Variants in C3orf20 observed in about 807,000 individuals in gnomAD.
C3orf20 encodes the protein uncharacterized protein C3orf20.
A neutral mutation model predicts 88.3 loss-of-function variants in C3orf20; 76 were observed. That is an observed-to-expected ratio of 0.86 (90% CI 0.72 to 1.04). The LOEUF is 1.04. Ranked by LOEUF, C3orf20 falls within the 50% of genes least tolerant of loss-of-function variation. The probability of loss-of-function intolerance (pLI) is 0.00; values close to 1 mark genes in which losing one functional copy is unlikely to be tolerated. For synonymous variants in C3orf20, 436 were observed against 437.4 expected (o/e 1.00, Z 0.04); for missense variants, 1,056 against 1,123.3 (o/e 0.94, Z 0.86).
intron 7 of C3orf20, among the ~76,000 whole-genome samples, chr3:14,711,627 CTTTTTTT>C (rs35966332): frequency 2.8e-5 from 2 of 72,588 alleles, no homozygotes; most frequent in Admixed American, 1.7e-4. Flanking sequence ...ATCCTGCCAG[CTTTTTTT>C]TTTTTTTTTT....
intron 5 of C3orf20, among the ~76,000 whole-genome samples, chr3:14,690,775 A>G (rs2124907113): frequency 6.6e-6 from 1 of 152,314 alleles, no homozygotes; most frequent in East Asian, 1.9e-4. Context: ...GCTAGCCATG[A>G]CAGCTGGGTT....
At chr3:14,771,664 C>T (rs535852730) in intron 15 of C3orf20, among the ~76,000 whole-genome samples, 16 of 152,322 alleles carry the variant, frequency 1.1e-4, no homozygotes, top group South Asian at 4.1e-4. Flanking sequence ...AATAAGGCCA[C>T]GTTCCGGGGT....
chr3:14,762,355 G>C (rs904920023), intron 15 of C3orf20, among the ~76,000 whole-genome samples: 1 of 152,230 alleles, frequency 6.6e-6, no homozygotes, highest in Admixed American at 6.5e-5. Context: ...TGATCTTCTT[G>C]AGCCGAGAGA....
At chr3:14,687,864 C>T (rs1200429734) in intron 4 of C3orf20, among the ~76,000 whole-genome samples, 2 of 152,086 alleles carry the variant, frequency 1.3e-5, no homozygotes, top group Non-Finnish European at 2.9e-5. Flanking sequence ...GGGCAGGGGG[C>T]CTTTTGGGTG....
Position 14,704,514 on chromosome 3 carries a change from ATCT to A in C3orf20, c.1060_1062del (p.Ser354del). ...AGACTCTCAGCCCCACCTCTCACCC[ATCT>A]TCTGCCAACCATCATTTCAGTCAGC... On this transcript the variant is annotated inframe_deletion, in exon 7 of 17. Coordinates refer to ENST00000253697, the MANE Select transcript of C3orf20 (RefSeq NM_032137.5). The A allele has an allele frequency of 3.1e-6, 5 of 1,614,012 alleles. No homozygotes were observed. The highest frequency in any genetic ancestry group is 4.2e-6 in the Non-Finnish European group (5 of 1,179,990).
At chr3:14,728,923 G>C (rs2034450592) in intron 12 of C3orf20, among the ~76,000 whole-genome samples, 1 of 152,166 alleles carries the variant, frequency 6.6e-6, no homozygotes, top group African/African-American at 2.4e-5. Flanking sequence ...ACCAAATTTG[G>C]CCCAGCTGCC....
intron 11 of C3orf20, among the ~76,000 whole-genome samples, chr3:14,727,525 C>G (rs149511277): frequency 5.3e-5 from 8 of 152,226 alleles, no homozygotes; most frequent in African/African-American, 7.2e-5. Flanking sequence ...CCTCAGGACC[C>G]TTCCACCTCT....
In C3orf20 at chr3:14,690,488, G is replaced by T. The variant is rs577434953; in HGVS notation, c.745+372G>T. Among the ~76,000 whole-genome samples the T allele has an allele frequency of 2.6e-5, 4 of 152,322 alleles. No homozygotes were observed. The South Asian group carries it at 8.3e-4, about 32-fold the overall frequency. ...CTGTCCAGTCACACAGCAAGTGGGG[G>T]AACTAGTATCTGAAGAGAGGTATTT... On this transcript the variant is annotated intron_variant, in intron 5 of 16. Coordinates refer to ENST00000253697, the MANE Select transcript of C3orf20 (RefSeq NM_032137.5).
chr3:14,691,078 G>C (rs574408484), intron 5 of C3orf20, among the ~76,000 whole-genome samples: 7 of 152,338 alleles, frequency 4.6e-5, no homozygotes, highest in African/African-American at 7.2e-5. Context: ...TTGAACAAAT[G>C]GTTATTGAAC....
rs532837763 is a variant in C3orf20 at position 14,719,030 on chromosome 3, G to A, written c.1435-2623G>A. On this transcript the variant is annotated intron_variant, in intron 9 of 16. Transcript: ENST00000253697. Reference sequence around the variant, plus strand: ...TGTGGCCTGCCTTCAGGCTAAAGCCGTAAACCTTATCCCATGCTGCTCCTT... The same window carrying A: ...TGTGGCCTGCCTTCAGGCTAAAGCCATAAACCTTATCCCATGCTGCTCCTT... Among the ~76,000 whole-genome samples, 34 of 152,234 alleles carry A rather than the reference G, an allele frequency of 2.2e-4. No homozygotes were observed. The South Asian group carries it at 3.5e-3, about 16-fold the overall frequency.
chr3:14,762,103 A>C (rs1293942390), intron 15 of C3orf20, among the ~76,000 whole-genome samples: 3 of 151,922 alleles, frequency 2.0e-5, no homozygotes. Flanking sequence ...ACAGGGTATC[A>C]CTCTGTTGGC....
In C3orf20 at chr3:14,728,574, C is replaced by T. The variant is rs555254339; in HGVS notation, c.1826C>T (p.Ser609Leu). 1.2e-6 allele frequency: 2 copies of T among 1,614,218 alleles called. No homozygotes were observed. Among genetic ancestry groups the T allele is most frequent in the Admixed American group, 1.7e-5 (1 of 60,036 alleles). The change falls in exon 12 of 17, where the codon TCA becomes TTA. Residue 609 changes from serine (S) to leucine (L), a missense_variant. By Grantham distance (145) the Ser-to-Leu change is moderately radical (BLOSUM62 -2). Coordinates refer to ENST00000253697, the MANE Select transcript of C3orf20 (RefSeq NM_032137.5). Reference protein sequence around the residue: ...YSGESLLRSQSGHLESSIAET... With the variant: ...YSGESLLRSQLGHLESSIAET... ...GGAGAAAGTCTTTTACGATCTCAGTCAGGCCACCTGGAATCCTCAATTGCA... is the reference window on the plus strand; with the variant it reads ...GGAGAAAGTCTTTTACGATCTCAGTTAGGCCACCTGGAATCCTCAATTGCA...
At chr3:14,720,471 C>T (rs1345676922) in intron 9 of C3orf20, among the ~76,000 whole-genome samples, 1 of 152,094 alleles carries the variant, frequency 6.6e-6, no homozygotes, top group Non-Finnish European at 1.5e-5. Flanking sequence ...GGAAGTTAAG[C>T]GTAGACCCCT....
intron 13 of C3orf20, among the ~76,000 whole-genome samples, chr3:14,758,389 T>A (rs2035450253): frequency 6.6e-6 from 1 of 152,170 alleles, no homozygotes. Flanking sequence ...TTCAGGCCCA[T>A]GGAACCCACT....
chr3:14,709,430 C>T (rs1160381131), intron 7 of C3orf20, among the ~76,000 whole-genome samples: 1 of 152,026 alleles, frequency 6.6e-6, no homozygotes, highest in Non-Finnish European at 1.5e-5. Context: ...AAGCAGGCCT[C>T]CTTGTCTTGT....
intron 2 of C3orf20, 111 bp from the exon 3 acceptor site, chr3:14,682,467 C>T (rs545320721): frequency 1.0e-4 from 53 of 526,640 alleles, no homozygotes; most frequent in Non-Finnish European, 1.6e-4. Flanking sequence ...CAAAGTGACT[C>T]ACTAACATTG....
At position 14,757,590 on chromosome 3, in the gene C3orf20, C is replaced by G. The variant is rs2035414081; in HGVS notation, c.2160C>G (p.Asn720Lys). ...TGTTTGGGATCATCTCAAGCCAGAACTACACCAGCACTGGGCAGCTCCAGT... is the reference window on the plus strand; with the variant it reads ...TGTTTGGGATCATCTCAAGCCAGAAGTACACCAGCACTGGGCAGCTCCAGT... ...VLVFGIISSQ[N>K]YTSTGQLQWL... is the part of the protein sequence containing the mutation. Residue 720 changes from asparagine (N) to lysine (K), a missense_variant, in exon 13 of 17, where the codon AAC becomes AAG. Physicochemically the swap from Asn to Lys is moderately conservative, Grantham distance 94. Coordinates refer to ENST00000253697, the MANE Select transcript of C3orf20 (RefSeq NM_032137.5). 1 of 1,614,146 alleles carries G rather than the reference C, an allele frequency of 6.2e-7. No homozygotes were observed.
At chr3:14,713,615 T>A (rs112804256) in intron 7 of C3orf20, among the ~76,000 whole-genome samples, 20 of 152,298 alleles carry the variant, frequency 1.3e-4, no homozygotes, top group African/African-American at 4.3e-4. Flanking sequence ...TGATGTGACA[T>A]GGGGCAGATA....
At chr3:14,722,913 G>A (rs2034218149) in intron 10 of C3orf20, among the ~76,000 whole-genome samples, 1 of 152,158 alleles carries the variant, frequency 6.6e-6, no homozygotes, top group Admixed American at 6.5e-5. Flanking sequence ...TCCCAAAAGA[G>A]AACACTTGAC....
Sources: gnomAD v4.1 joint callset for allele counts (sites outside exome capture counted in the v4.1 genomes callset) on GRCh38, gnomAD v4.1.1 for gene constraint, MANE v1.5 for transcripts, NCBI Gene and HGNC (gene_info 2026-07-23, HGNC 2026-07-21) for gene names.